Variants in PRIM2 observed in about 807,000 individuals in gnomAD.
PRIM2 encodes the protein DNA primase large subunit.
In PRIM2, 39 loss-of-function variants were observed where a neutral mutation model predicts 67.3. That is an observed-to-expected ratio of 0.58 (90% CI 0.45 to 0.76). The LOEUF is 0.76. Ranked by LOEUF, PRIM2 falls within the 30% of genes least tolerant of loss-of-function variation. The pLI is 0.00. For missense variants in PRIM2, 398 were observed against 598.7 expected (o/e 0.66, Z 3.50); for synonymous variants, 143 against 198.7 (o/e 0.72, Z 2.36).
intron 10 of PRIM2, among the ~76,000 whole-genome samples, chr6:57,560,476 A>G (rs1775605044): frequency 1.3e-5 from 2 of 151,588 alleles, no homozygotes; most frequent in South Asian, 2.1e-4. Flanking sequence ...AAGAGTCACA[A>G]ATATTCTTAA....
chr6:57,308,912 A>G, the PRIM2 span, among the ~76,000 whole-genome samples: 1 of 149,958 alleles, frequency 6.7e-6, no homozygotes, highest in Non-Finnish European at 1.5e-5. Context: ...ATACATGTGC[A>G]GAATGTGCAG....
intron 5 of PRIM2, among the ~76,000 whole-genome samples, chr6:57,362,244 A>T (rs537132955): frequency 2.6e-5 from 4 of 152,342 alleles, no homozygotes; most frequent in African/African-American, 9.6e-5. Context: ...CATCCATATG[A>T]ATTTGAAATA....
chr6:57,344,761 A>G (rs1768613651), intron 5 of PRIM2, among the ~76,000 whole-genome samples: 1 of 152,184 alleles, frequency 6.6e-6, no homozygotes, highest in Admixed American at 6.5e-5. Flanking sequence ...ATATAGTTGT[A>G]AAAATACACC....
intron 11 of PRIM2, among the ~76,000 whole-genome samples, chr6:57,602,287 G>T (rs1776484923): frequency 6.6e-6 from 1 of 152,150 alleles, no homozygotes; most frequent in African/African-American, 2.4e-5. Context: ...CGGGCCTCAG[G>T]TGATCTGCTC....
At chr6:57,274,976 G>A in the PRIM2 span, among the ~76,000 whole-genome samples, 4 of 146,570 alleles carry the variant, frequency 2.7e-5, no homozygotes, top group Non-Finnish European at 4.4e-5. Flanking sequence ...TAGGAGAGAC[G>A]GGGTTTCACC....
rs1222931667 is a variant in PRIM2 at position 57,643,681 on chromosome 6, T to TA, written c.1300-2241dup. On this transcript the variant is annotated intron_variant, in intron 13 of 13. Transcript: ENST00000615550. ...TGAATTGGGTGAAAATTGAATGTAA[T>TA]AAAAAAGTTCACAAATGATTCCATT... Among the ~76,000 whole-genome samples the TA allele has an allele frequency of 2.6e-5, 4 of 152,300 alleles. No individual in the cohort carries two copies. The East Asian group carries it at 7.7e-4, about 29-fold the overall frequency.
intron 3 of PRIM2, among the ~76,000 whole-genome samples, chr6:57,323,228 C>T (rs925035185): frequency 1.1e-4 from 17 of 151,990 alleles, no homozygotes; most frequent in Admixed American, 5.3e-4. Context: ...TTATAGGCCA[C>T]GAAATTATAT....
chr6:57,469,981 A>G (rs1356928765), intron 7 of PRIM2, among the ~76,000 whole-genome samples: 1 of 151,840 alleles, frequency 6.6e-6, no homozygotes, highest in Non-Finnish European at 1.5e-5. Flanking sequence ...CTTTATCTCC[A>G]ATTTCTAGTA....
chr6:57,271,993 C>G, the PRIM2 span, among the ~76,000 whole-genome samples: 1 of 152,096 alleles, frequency 6.6e-6, no homozygotes. Flanking sequence ...GTCTGAGAGA[C>G]AGTTTGTTAT....
At chr6:57,636,982 C>T (rs1777133176) in intron 13 of PRIM2, among the ~76,000 whole-genome samples, 1 of 152,120 alleles carries the variant, frequency 6.6e-6, no homozygotes, top group East Asian at 1.9e-4. Flanking sequence ...CAGCAGGGGC[C>T]GACAGACATC....
chr6:57,459,559 C>T (rs986642561), intron 7 of PRIM2, among the ~76,000 whole-genome samples: 3 of 152,078 alleles, frequency 2.0e-5, no homozygotes, highest in Admixed American at 6.6e-5. Context: ...CTACAACATA[C>T]CTGGCTTATG....
At chr6:57,334,780 G>A (rs903001989) in intron 5 of PRIM2, among the ~76,000 whole-genome samples, 1 of 152,188 alleles carries the variant, frequency 6.6e-6, no homozygotes, top group Non-Finnish European at 1.5e-5. Flanking sequence ...TATTACGGAG[G>A]ATACAGAAGC....
chr6:57,338,034 T>C (rs796071726), intron 5 of PRIM2, among the ~76,000 whole-genome samples: 24 of 151,874 alleles, frequency 1.6e-4, no homozygotes, highest in Non-Finnish European at 3.5e-4. Context: ...ATATCACCAC[T>C]GATCCCACAG....
At chr6:57,329,940 A>G (rs1014260306) in intron 5 of PRIM2, among the ~76,000 whole-genome samples, 1 of 152,202 alleles carries the variant, frequency 6.6e-6, no homozygotes, top group Non-Finnish European at 1.5e-5. Context: ...ATTGAGAAGT[A>G]TGAGTTCTCC....
chr6:57,406,664 G>T (rs1472826691), intron 7 of PRIM2, among the ~76,000 whole-genome samples: 1 of 152,060 alleles, frequency 6.6e-6, no homozygotes, highest in Non-Finnish European at 1.5e-5. Flanking sequence ...TGAGAGAATT[G>T]AGAATAACAA....
At chr6:57,579,736 T>C (rs1451218842) in intron 10 of PRIM2, among the ~76,000 whole-genome samples, 1 of 152,156 alleles carries the variant, frequency 6.6e-6, no homozygotes, top group Non-Finnish European at 1.5e-5. Context: ...GGGTAACCAA[T>C]TGCCCATTTG....
intron 7 of PRIM2, among the ~76,000 whole-genome samples, chr6:57,449,970 T>C (rs1323149837): frequency 1.3e-5 from 2 of 152,166 alleles, no homozygotes; most frequent in African/African-American, 4.8e-5. Context: ...GGAACAAGAT[T>C]AATGACAAAG....
At position 57,373,248 on chromosome 6, in the gene PRIM2, G is replaced by A. The variant is rs545822931; in HGVS notation, c.460-6653G>A. ...TTTTTTTTTCATGTGTTTGTTGGCC[G>A]CATGTATGTCTTCTTTTGAGAAGGG... On this transcript the variant is annotated intron_variant, in intron 5 of 13. Transcript: ENST00000615550. 8.3e-3 allele frequency among the ~76,000 whole-genome samples: 1,253 copies of A among 151,206 alleles called. 22 individuals are homozygous for A. Among genetic ancestry groups the A allele is most frequent in the African/African-American group, 0.029 (1,181 of 41,226 alleles).
At chr6:57,453,965 G>A (rs1390559781) in intron 7 of PRIM2, among the ~76,000 whole-genome samples, 2 of 152,108 alleles carry the variant, frequency 1.3e-5, no homozygotes, top group East Asian at 1.9e-4. Context: ...CATCCCATCA[G>A]TACCTAATTT....
Sources: allele counts gnomAD v4.1 joint callset (sites outside exome capture counted in the v4.1 genomes callset), GRCh38; gene constraint gnomAD v4.1.1; transcripts MANE v1.5; gene names NCBI Gene and HGNC (gene_info 2026-07-23, HGNC 2026-07-21).